PRIM2: variants seen among roughly 807,000 people sequenced by gnomAD.
PRIM2 encodes the protein DNA primase subunit 2, also known as DNA primase large subunit.
In PRIM2, 39 loss-of-function variants were observed where a neutral mutation model predicts 67.3. The ratio of observed to expected loss-of-function variants is 0.58; its 90% CI spans 0.45 to 0.76. PRIM2 has a LOEUF of 0.76. Ranked by LOEUF, PRIM2 falls within the 30% of genes least tolerant of loss-of-function variation. The pLI is 0.00. For synonymous variants in PRIM2, 143 were observed against 198.7 expected (o/e 0.72, Z 2.36); for missense variants, 398 against 598.7 (o/e 0.66, Z 3.50).
At chr6:57,285,861 T>C in the PRIM2 span, among the ~76,000 whole-genome samples, 1 of 152,134 alleles carries the variant, frequency 6.6e-6, no homozygotes, top group African/African-American at 2.4e-5. Flanking sequence ...GAAAACCCCA[T>C]CGTCTCAGCC....
intron 10 of PRIM2, among the ~76,000 whole-genome samples, chr6:57,598,284 C>T (rs1776404041): frequency 2.0e-5 from 3 of 152,146 alleles, no homozygotes; most frequent in Admixed American, 2.0e-4. Context: ...CAACGTTTGT[C>T]TTTTAAACAA....
chr6:57,563,156 T>G (rs1775670810), intron 10 of PRIM2, among the ~76,000 whole-genome samples: 1 of 152,126 alleles, frequency 6.6e-6, no homozygotes. Flanking sequence ...AGCTTTCCAG[T>G]ATAGCCTCTG....
At chr6:57,434,044 C>T (rs954213674) in intron 7 of PRIM2, among the ~76,000 whole-genome samples, 6 of 151,840 alleles carry the variant, frequency 4.0e-5, no homozygotes, top group African/African-American at 1.5e-4. Flanking sequence ...CCTGCCTCAG[C>T]CTCCCTGGCA....
chr6:57,225,990 C>G, the PRIM2 span, among the ~76,000 whole-genome samples: 17,105 of 152,042 alleles, frequency 0.11, 1,059 homozygotes, highest in Middle Eastern at 0.24. Context: ...GCTTAATAAC[C>G]TTGGATCTTA....
At chr6:57,580,081 G>C (rs1447139060) in intron 10 of PRIM2, among the ~76,000 whole-genome samples, 2 of 151,980 alleles carry the variant, frequency 1.3e-5, no homozygotes, top group Non-Finnish European at 2.9e-5. Flanking sequence ...CAGTCTTCTT[G>C]GTAGCTCTTC....
At chr6:57,598,940 CTTTTTTT>C (rs1196895159) in intron 10 of PRIM2, among the ~76,000 whole-genome samples, 1 of 7,594 alleles carries the variant, frequency 1.3e-4, no homozygotes, top group Non-Finnish European at 2.0e-4. Context: ...TGACTGAGCT[CTTTTTTT>C]TTTTTTTTTT....
intron 5 of PRIM2, among the ~76,000 whole-genome samples, chr6:57,359,577 A>G (rs910007022): frequency 1.8e-4 from 27 of 152,164 alleles, no homozygotes; most frequent in African/African-American, 6.0e-4. Context: ...GTTTTGGGAT[A>G]GTTTGTTATA....
At chr6:57,493,897 A>G (rs1773949277) in intron 7 of PRIM2, 2 of 152,162 alleles carry the variant, frequency 1.3e-5, no homozygotes, top group South Asian at 2.1e-4. Flanking sequence ...AAGGATGGCA[A>G]TTGCTCAGAC....
Position 57,606,449 on chromosome 6 carries a change from A to G in PRIM2, c.1222A>G (p.Ile408Val). The change falls in exon 12 of 14, where the codon ATA becomes GTA. Residue 408 changes from isoleucine to valine, a missense_variant. Physicochemically the swap from Ile to Val is conservative, Grantham distance 29. Coordinates refer to ENST00000615550, the MANE Select transcript of PRIM2 (RefSeq NM_000947.5). The part of the protein sequence containing the change: ...LQSYKISPGG[I>V]SQILDLVKGT... Reference sequence around the variant, plus strand: ...GTCATACAAGATCTCTCCTGGAGGGATAAGCCAGGTAGGTCATATTCTTCT... The same window carrying G: ...GTCATACAAGATCTCTCCTGGAGGGGTAAGCCAGGTAGGTCATATTCTTCT... The G allele has an allele frequency of 6.3e-7, 1 of 1,582,926 alleles. No individual in the cohort carries two copies.
chr6:57,409,368 G>T (rs1473637048), intron 7 of PRIM2, among the ~76,000 whole-genome samples: 8 of 152,006 alleles, frequency 5.3e-5, no homozygotes, highest in African/African-American at 1.9e-4. Context: ...GTAGAGGCAG[G>T]GTTTCACCGT....
intron 8 of PRIM2, among the ~76,000 whole-genome samples, chr6:57,528,218 C>T (rs1343068625): frequency 6.7e-6 from 1 of 149,764 alleles, no homozygotes; most frequent in African/African-American, 2.5e-5. Context: ...GTCCTCCTGC[C>T]TTGGCTTCCC....
chr6:57,495,222 A>G (rs1773977627), intron 7 of PRIM2, among the ~76,000 whole-genome samples: 1 of 152,202 alleles, frequency 6.6e-6, no homozygotes, highest in Non-Finnish European at 1.5e-5. Context: ...TAGTTTATGA[A>G]TAAAGAAAAT....
upstream of PRIM2, among the ~76,000 whole-genome samples, chr6:57,314,510 C>T (rs1434840525): frequency 3.3e-5 from 5 of 152,166 alleles, no homozygotes; most frequent in East Asian, 1.9e-4. Context: ...AGCGAGACTT[C>T]GTCTCAAAAA....
chr6:57,411,122 C>T (rs1253207230), intron 7 of PRIM2, among the ~76,000 whole-genome samples: 1 of 151,788 alleles, frequency 6.6e-6, no homozygotes, highest in African/African-American at 2.4e-5. Flanking sequence ...GTGTGTGGCA[C>T]CTATCCCCCC....
At chr6:57,290,127 G>GAAAA in the PRIM2 span, among the ~76,000 whole-genome samples, 1 of 118,050 alleles carries the variant, frequency 8.5e-6, no homozygotes, top group Non-Finnish European at 1.9e-5. Context: ...CAAATAGAAA[G>GAAAA]AAAAAAAAAA....
At chr6:57,260,987 A>G in the PRIM2 span, among the ~76,000 whole-genome samples, 3 of 152,168 alleles carry the variant, frequency 2.0e-5, no homozygotes, top group Non-Finnish European at 4.4e-5. Context: ...TGGAGGCCCC[A>G]GTGAGAGGAG....
At chr6:57,294,757 G>A in the PRIM2 span, among the ~76,000 whole-genome samples, 1 of 151,118 alleles carries the variant, frequency 6.6e-6, no homozygotes. Flanking sequence ...ATACAAAAGT[G>A]TTCATGGTAG....
intron 5 of PRIM2, among the ~76,000 whole-genome samples, chr6:57,369,437 A>G (rs1291608884): frequency 6.6e-6 from 1 of 152,250 alleles, no homozygotes; most frequent in Admixed American, 6.5e-5. Flanking sequence ...ATACCGTTAT[A>G]CCATGTGCTA....
chr6:57,452,626 G>C (rs1324456342), intron 7 of PRIM2, among the ~76,000 whole-genome samples: 1 of 152,070 alleles, frequency 6.6e-6, no homozygotes, highest in Non-Finnish European at 1.5e-5. Flanking sequence ...CTTGTTGATG[G>C]GGTTGTTTGT....
Sources: gnomAD v4.1 joint callset for allele counts (sites outside exome capture counted in the v4.1 genomes callset) on GRCh38, gnomAD v4.1.1 for gene constraint, MANE v1.5 for transcripts, NCBI Gene and HGNC (gene_info 2026-07-23, HGNC 2026-07-21) for gene names.